Variants in KIF13A observed in about 807,000 individuals in gnomAD.
KIF13A encodes kinesin family member 13A.
KIF13A carries 79 observed loss-of-function variants against 212.2 expected under a neutral mutation model. That is an observed-to-expected ratio of 0.37 (90% CI 0.31 to 0.45). The LOEUF (loss-of-function observed/expected upper bound fraction) is 0.45. Among genes scored for constraint, KIF13A ranks in the 20% least tolerant of loss-of-function variants. The probability of loss-of-function intolerance (pLI) is 1.00; values close to 1 mark genes in which losing one functional copy is unlikely to be tolerated. For synonymous variants in KIF13A, 789 were observed against 808.6 expected (o/e 0.98, Z 0.41); for missense variants, 1,901 against 2,209.0 (o/e 0.86, Z 2.79).
chr6:17,870,570 G>A (rs960426834), intron 4 of KIF13A, among the ~76,000 whole-genome samples: 6 of 151,992 alleles, frequency 3.9e-5, no homozygotes, highest in Admixed American at 6.6e-5. Context: ...AAAAGAAAGA[G>A]AAAAACAATC....
At chr6:17,831,835 T>C (rs1036684723) in intron 12 of KIF13A, among the ~76,000 whole-genome samples, 5 of 151,314 alleles carry the variant, frequency 3.3e-5, no homozygotes, top group East Asian at 1.9e-4. Context: ...CATTCATTCA[T>C]TCATTCAAGA....
intron 25 of KIF13A, among the ~76,000 whole-genome samples, chr6:17,791,713 C>T (rs1761571853): frequency 6.6e-6 from 1 of 151,776 alleles, no homozygotes; most frequent in Non-Finnish European, 1.5e-5. Context: ...CCAGCCTGGC[C>T]AACATGGTGA....
At chr6:17,802,153 T>G (rs894633847) in intron 20 of KIF13A, among the ~76,000 whole-genome samples, 7 of 152,106 alleles carry the variant, frequency 4.6e-5, no homozygotes, top group Non-Finnish European at 7.4e-5. Flanking sequence ...AGATCCAATT[T>G]CCACACAGCA....
chr6:17,805,968 G>A (rs1262245160), intron 18 of KIF13A, among the ~76,000 whole-genome samples: 4 of 143,936 alleles, frequency 2.8e-5, no homozygotes, highest in Non-Finnish European at 6.0e-5. Flanking sequence ...CATCCAAGCT[G>A]CAGTGAAGTG....
chr6:17,795,811 C>A (rs888948601), intron 23 of KIF13A, among the ~76,000 whole-genome samples: 1 of 152,074 alleles, frequency 6.6e-6, no homozygotes, highest in Non-Finnish European at 1.5e-5. Context: ...TTGATTAAGT[C>A]CAACTTAAAC....
chr6:17,836,902 C>T lies in KIF13A; in HGVS notation c.1131G>A (p.Leu377=). The T allele has an allele frequency of 1.9e-6, 3 of 1,613,872 alleles. No homozygotes were observed. The highest frequency in any genetic ancestry group is 2.5e-6 in the Non-Finnish European group (3 of 1,179,810). Reference sequence around the variant, plus strand: ...CCTCTGCCTGAGAGAGCTGCTCTCTCAGTTTCTCGACTTCCTCCCGCAGTT... The same window carrying T: ...CCTCTGCCTGAGAGAGCTGCTCTCTTAGTTTCTCGACTTCCTCCCGCAGTT... ...IRELREEVEK[L]REQLSQAEAM... is the part of the protein sequence containing the mutation. The change falls in exon 11 of 39, where the codon CTG becomes CTA. Residue 377 remains leucine (L), a synonymous_variant. Coordinates refer to ENST00000259711, the MANE Select transcript of KIF13A (RefSeq NM_022113.6).
chr6:17,895,433 T>C lies in KIF13A; in HGVS notation c.159+2735A>G, dbSNP rs1259537710. ...CAGGTGCCTATGGGCACCTGCATTCTGGTATCACTTTGTTCCAATTTTTGT... is the reference window on the plus strand; with the variant it reads ...CAGGTGCCTATGGGCACCTGCATTCCGGTATCACTTTGTTCCAATTTTTGT... On this transcript the variant is annotated intron_variant, in intron 3 of 38. Coordinates refer to ENST00000259711, the MANE Select transcript of KIF13A (RefSeq NM_022113.6). The surrounding 1 kb of genome is among the most constrained non-coding windows in gnomAD (Gnocchi z 4.4). 6.6e-6 allele frequency among the ~76,000 whole-genome samples: 1 copy of C among 152,244 alleles called. No individual in the cohort carries two copies.
Position 17,771,010 on chromosome 6 carries a change from G to C in KIF13A, c.4581+104C>G. Reference sequence around the variant, plus strand: ...ACATTTTTATTTTCTTTAAGACAAAGACCCAATACATGTCTTAATTTCTTC... The same window carrying C: ...ACATTTTTATTTTCTTTAAGACAAACACCCAATACATGTCTTAATTTCTTC... On this transcript the variant is annotated intron_variant, in intron 38 of 38. Transcript: ENST00000259711. The surrounding 1 kb of genome is among the most constrained non-coding windows in gnomAD (Gnocchi z 5.4). The C allele has an allele frequency of 5.4e-6, 4 of 740,592 alleles. No individual in the cohort carries two copies. The Admixed American group carries it at 7.4e-5, about 14-fold the overall frequency. The allele number at this position is 740,592 out of a possible 1,614,324, so 45.9% of individuals were successfully genotyped here.
rs981479619 is a variant in KIF13A at position 17,789,005 on chromosome 6, G to T, written c.3261+867C>A. Among the ~76,000 whole-genome samples, 1 of 152,168 alleles carries T rather than the reference G, an allele frequency of 6.6e-6. No individual in the cohort carries two copies. Among genetic ancestry groups the T allele is most frequent in the Admixed American group, 6.5e-5 (1 of 15,276 alleles). ...CCCAAAGTGCTGGGATTACAGGCGT[G>T]AGCCACCACGCCCAGCCACTGTACC... On this transcript the variant is annotated intron_variant, in intron 26 of 38. Transcript: ENST00000259711. This position sits in a 1 kb window ranked among gnomAD's most constrained non-coding sequence, Gnocchi z 4.8.
chr6:17,821,963 G>T, intron 16 of KIF13A: 1 of 1,527,506 alleles, frequency 6.5e-7, no homozygotes. Context: ...ATCAGCACTT[G>T]CATCAGAGAC....
chr6:17,928,512 G>A (rs915895957), intron 2 of KIF13A, among the ~76,000 whole-genome samples: 1 of 152,124 alleles, frequency 6.6e-6, no homozygotes, highest in African/African-American at 2.4e-5. Context: ...TCTACTTCAT[G>A]GACCAAAGTG....
At chr6:17,770,878 T>G in intron 38 of KIF13A, 1 of 587,498 alleles carries the variant, frequency 1.7e-6, no homozygotes, top group Non-Finnish European at 2.6e-6. Context: ...GCAATAAAAG[T>G]GCCTTTCTCC....
rs1334830405 is a variant in KIF13A at position 17,837,980 on chromosome 6, A to G, written c.831-397T>C. ...AAACAAAAACAAAGAAACCCCAAAA[A>G]ACCAAAATATCATAAAAAGAAAGTG... On this transcript the variant is annotated intron_variant, in intron 9 of 38. Transcript: ENST00000259711. This position sits in a 1 kb window ranked among gnomAD's most constrained non-coding sequence, Gnocchi z 5.4. 6.6e-6 allele frequency among the ~76,000 whole-genome samples: 1 copy of G among 151,484 alleles called. No individual in the cohort carries two copies. The highest frequency in any genetic ancestry group is 1.5e-5 in the Non-Finnish European group (1 of 67,904).
chr6:17,877,486 A>C (rs1187605680), intron 3 of KIF13A, among the ~76,000 whole-genome samples: 1 of 152,204 alleles, frequency 6.6e-6, no homozygotes, highest in Non-Finnish European at 1.5e-5. Context: ...CAACACTTCT[A>C]AGAGATGATG....
At chr6:17,909,450 C>T (rs569101674) in intron 2 of KIF13A, among the ~76,000 whole-genome samples, 27 of 148,956 alleles carry the variant, frequency 1.8e-4, no homozygotes, top group Non-Finnish European at 3.3e-4. Flanking sequence ...GCAGGAGAAT[C>T]GCTGAACCCA....
intron 2 of KIF13A, among the ~76,000 whole-genome samples, chr6:17,933,801 A>C (rs1776216002): frequency 6.6e-6 from 1 of 152,212 alleles, no homozygotes; most frequent in Admixed American, 6.5e-5. Context: ...ACAAAGCATT[A>C]GAAATGCCTT....
At chr6:17,935,384 C>T (rs1776367877) in intron 2 of KIF13A, among the ~76,000 whole-genome samples, 1 of 152,104 alleles carries the variant, frequency 6.6e-6, no homozygotes, top group Non-Finnish European at 1.5e-5. Context: ...TGGGTCCTCA[C>T]TATGGTCCCT....
intron 2 of KIF13A, among the ~76,000 whole-genome samples, chr6:17,916,459 G>T (rs1188775202): frequency 6.6e-6 from 1 of 152,206 alleles, no homozygotes; most frequent in Non-Finnish European, 1.5e-5. Context: ...AAATAAGGTT[G>T]CAAGTTTCTC....
intron 4 of KIF13A, among the ~76,000 whole-genome samples, chr6:17,869,368 T>G (rs906071417): frequency 4.6e-5 from 7 of 152,114 alleles, no homozygotes; most frequent in Admixed American, 3.9e-4. Flanking sequence ...CGATAAACAT[T>G]AAGGCAGTGC....
Sources: allele counts gnomAD v4.1 joint callset (sites outside exome capture counted in the v4.1 genomes callset), GRCh38; gene constraint gnomAD v4.1.1; non-coding constraint Gnocchi (gnomAD v3.1); transcripts MANE v1.5; gene names NCBI Gene and HGNC (gene_info 2026-07-23, HGNC 2026-07-21).